TDRD3: variants seen among roughly 807,000 people sequenced by gnomAD.
The protein encoded by TDRD3 is tudor domain containing 3.
Under a neutral mutation model 86.7 loss-of-function variants are expected in TDRD3, and 45 were observed. The observed-to-expected ratio is 0.52, with a 90% CI of 0.41 to 0.67. TDRD3 has a LOEUF of 0.67. Ranked by LOEUF, TDRD3 falls within the 30% of genes least tolerant of loss-of-function variation. The pLI, the probability that TDRD3 is intolerant of heterozygous loss-of-function variation, is 0.00. For missense variants in TDRD3, 814 were observed against 889.0 expected, an observed-to-expected ratio of 0.92 and a Z score of 1.07; for synonymous variants, 298 against 301.7, an observed-to-expected ratio of 0.99 and a Z score of 0.13.
chr13:60,552,608 C>G (rs1299670247), intron 12 of TDRD3, among the ~76,000 whole-genome samples: 1 of 152,240 alleles, frequency 6.6e-6, no homozygotes. Context: ...AGTGGGGACT[C>G]TGTATGTGGG....
intron 4 of TDRD3, 120 bp from the exon 5 acceptor site, chr13:60,467,118 C>T: frequency 8.5e-7 from 1 of 1,174,018 alleles, no homozygotes; most frequent in Non-Finnish European, 1.2e-6. Context: ...AGCTGTTTTT[C>T]CTAATGCTCT....
intron 7 of TDRD3, among the ~76,000 whole-genome samples, chr13:60,487,931 T>C (rs2137526458): frequency 1.3e-5 from 2 of 152,298 alleles, no homozygotes; most frequent in East Asian, 3.9e-4. Flanking sequence ...TCACCAGTAT[T>C]TGTTATTTTT....
At chr13:60,458,424 G>A (rs1955727928) in intron 3 of TDRD3, among the ~76,000 whole-genome samples, 1 of 152,196 alleles carries the variant, frequency 6.6e-6, no homozygotes, top group Non-Finnish European at 1.5e-5. Flanking sequence ...ACACCCAGGG[G>A]ACGTAGAACT....
At chr13:60,448,016 C>T (rs1366458929) in intron 3 of TDRD3, among the ~76,000 whole-genome samples, 2 of 152,140 alleles carry the variant, frequency 1.3e-5, no homozygotes, top group African/African-American at 4.8e-5. Context: ...TATCAGTAAT[C>T]TTTTTTGGAA....
intron 10 of TDRD3, among the ~76,000 whole-genome samples, chr13:60,517,826 G>A (rs1957207725): frequency 6.6e-6 from 1 of 152,142 alleles, no homozygotes; most frequent in Non-Finnish European, 1.5e-5. Context: ...CAACAAAAAA[G>A]TACAGATTCA....
chr13:60,480,209 A>G (rs959614622), intron 5 of TDRD3, among the ~76,000 whole-genome samples: 1 of 152,088 alleles, frequency 6.6e-6, no homozygotes, highest in African/African-American at 2.4e-5. Context: ...TCCCCTTAGC[A>G]TTTGCATGTC....
chr13:60,499,047 T>C (rs1956777095), intron 8 of TDRD3, among the ~76,000 whole-genome samples: 1 of 152,116 alleles, frequency 6.6e-6, no homozygotes, highest in South Asian at 2.1e-4. Context: ...CCCTGACTGG[T>C]AGGGTGAGGG....
chr13:60,485,764 C>T (rs774625502), intron 6 of TDRD3, 35 bp from the exon 7 acceptor site: 4 of 1,494,884 alleles, frequency 2.7e-6, no homozygotes, highest in Non-Finnish European at 2.7e-6. Context: ...TCTTTTGGAA[C>T]TACTAAGTTG....
intron 12 of TDRD3, among the ~76,000 whole-genome samples, chr13:60,539,734 A>G (rs955758394): frequency 1.8e-4 from 28 of 151,906 alleles, no homozygotes; most frequent in African/African-American, 6.3e-4. Flanking sequence ...TAATATTAAT[A>G]AGCTATAAAT....
chr13:60,531,366 G>A (rs562476606), intron 11 of TDRD3, among the ~76,000 whole-genome samples: 2 of 152,284 alleles, frequency 1.3e-5, no homozygotes, highest in Admixed American at 1.3e-4. Context: ...CTCCTTCATG[G>A]TGGAGGCAAG....
At position 60,427,901 on chromosome 13, in the gene TDRD3, C is replaced by T. The variant is rs530501147; in HGVS notation, c.42-11787C>T. Among the ~76,000 whole-genome samples, 21 of 152,248 alleles carry T rather than the reference C, an allele frequency of 1.4e-4. 1 individual carries two copies. The South Asian group carries it at 2.5e-3, about 18-fold the overall frequency. ...TGGGTATATTTATTTCCTGTGGCTG[C>T]GGTAGCAAATTACCACAAGCTGGGT... On this transcript the variant is annotated intron_variant, in intron 1 of 13. Coordinates refer to ENST00000377881, the MANE Select transcript of TDRD3 (RefSeq NM_001146070.2).
chr13:60,477,659 T>C (rs1403618434), intron 5 of TDRD3, among the ~76,000 whole-genome samples: 1 of 152,246 alleles, frequency 6.6e-6, no homozygotes, highest in East Asian at 1.9e-4. Context: ...ATTCTGTTTA[T>C]GTGGTGAATC....
Position 60,485,871 on chromosome 13 carries a change from G to A in TDRD3, c.640G>A (p.Val214Ile), listed in dbSNP as rs1472982118. The A allele has an allele frequency of 3.7e-6, 6 of 1,610,942 alleles. No individual in the cohort carries two copies. The African/African-American group carries it at 4.0e-5, about 11-fold the overall frequency. The stretch of plus-strand genomic sequence containing the variant: ...AAAAACATTGCAAGTTACAATGCCT[G>A]TCAAACCTACAAATGATAATGATGA... ...RRKTLQVTMP[V>I]KPTNDNDEFE... Residue 214 changes from valine to isoleucine, a missense_variant, in exon 7 of 14, where the codon GTC becomes ATC. Physicochemically the swap from Val to Ile is conservative, Grantham distance 29. Coordinates refer to ENST00000377881, the MANE Select transcript of TDRD3 (RefSeq NM_001146070.2).
intron 10 of TDRD3, among the ~76,000 whole-genome samples, chr13:60,526,302 C>CTATT (rs1355001116): frequency 1.3e-5 from 2 of 152,238 alleles, no homozygotes; most frequent in East Asian, 3.9e-4. Flanking sequence ...ATCTTGGAGA[C>CTATT]TATTGATAAT....
chr13:60,557,788 G>T (rs1958232112), intron 12 of TDRD3, among the ~76,000 whole-genome samples: 1 of 138,734 alleles, frequency 7.2e-6, no homozygotes. Flanking sequence ...CTGTATTTTA[G>T]CAATTTGGCA....
chr13:60,484,427 C>T (rs1351509185), intron 6 of TDRD3, among the ~76,000 whole-genome samples: 1 of 152,140 alleles, frequency 6.6e-6, no homozygotes, highest in African/African-American at 2.4e-5. Flanking sequence ...ATCTGTCTTG[C>T]ATTTGCTCTT....
chr13:60,445,917 A>C (rs1955386421), intron 3 of TDRD3, among the ~76,000 whole-genome samples: 1 of 152,154 alleles, frequency 6.6e-6, no homozygotes, highest in Non-Finnish European at 1.5e-5. Context: ...AGTAGTACAG[A>C]GATTCTTGTC....
At chr13:60,456,069 C>CAAAAAAAAAAAAAAAAAAAAAAAAAAA (rs35117003) in intron 3 of TDRD3, among the ~76,000 whole-genome samples, 1 of 95,568 alleles carries the variant, frequency 1.0e-5, no homozygotes, top group Non-Finnish European at 2.0e-5. Context: ...GACTATGTCT[C>CAAAAAAAAAAAAAAAAAAAAAAAAAAA]AAAAAAAAAA....
chr13:60,413,954 C>T (rs890348995), intron 1 of TDRD3, among the ~76,000 whole-genome samples: 25 of 152,092 alleles, frequency 1.6e-4, no homozygotes, highest in Admixed American at 1.6e-3. Context: ...AGAGAGGAAA[C>T]TGTCAATATT....
Sources: gnomAD v4.1 joint callset for allele counts (sites outside exome capture counted in the v4.1 genomes callset) on GRCh38, gnomAD v4.1.1 for gene constraint, MANE v1.5 for transcripts, NCBI Gene and HGNC (gene_info 2026-07-23, HGNC 2026-07-21) for gene names.